Variants in GRID1 observed in about 807,000 individuals in gnomAD.
The protein encoded by GRID1 is glutamate receptor ionotropic, delta-1.
Under a neutral mutation model 98.0 loss-of-function variants are expected in GRID1, and 28 were observed. The observed-to-expected ratio is 0.29, with a 90% CI of 0.21 to 0.39. The LOEUF is 0.39. Ranked by LOEUF, GRID1 falls within the 10% of genes least tolerant of loss-of-function variation. GRID1 has a pLI of 1.00. For missense variants in GRID1, 1,111 were observed against 1,340.5 expected (o/e 0.83, Z 2.67); for synonymous variants, 553 against 538.5 (o/e 1.03, Z -0.37).
intron 12 of GRID1, among the ~76,000 whole-genome samples, chr10:85,659,158 T>A (rs1351368034): frequency 2.0e-5 from 3 of 152,230 alleles, no homozygotes. Context: ...GAAGCAGCTA[T>A]GAATCCATGT....
rs554410404 is a variant in GRID1, at chr10:85,769,134, C to T, written c.1234-39520G>A. 5.3e-5 allele frequency among the ~76,000 whole-genome samples: 8 copies of T among 152,144 alleles called. No homozygotes were observed. In the South Asian group the frequency reaches 1.7e-3, roughly 32 times the overall value. ...TCTTTCTGAACTAATATGAAAATAA[C>T]TGCAAGAAAAATGGTGAAGAGGCCA... On this transcript the variant is annotated intron_variant, in intron 8 of 15. Coordinates refer to ENST00000327946, the MANE Select transcript of GRID1 (RefSeq NM_017551.3).
intron 8 of GRID1, among the ~76,000 whole-genome samples, chr10:85,754,121 A>G (rs2132689709): frequency 6.6e-6 from 1 of 152,346 alleles, no homozygotes; most frequent in East Asian, 1.9e-4. Context: ...TGAAATCTTC[A>G]TACAAAGCCA....
intron 3 of GRID1, among the ~76,000 whole-genome samples, chr10:86,189,602 C>A (rs1845773311): frequency 6.6e-6 from 1 of 152,114 alleles, no homozygotes; most frequent in East Asian, 1.9e-4. Context: ...GACCATGAAC[C>A]TGCAATAGCT....
At chr10:86,183,047 T>G (rs182380014) in intron 3 of GRID1, among the ~76,000 whole-genome samples, 2 of 152,216 alleles carry the variant, frequency 1.3e-5, no homozygotes, top group Admixed American at 6.5e-5. Context: ...TTTTGACACA[T>G]GCATCACACA....
chr10:85,856,458 T>C (rs1178350506), intron 6 of GRID1, among the ~76,000 whole-genome samples: 4 of 152,254 alleles, frequency 2.6e-5, no homozygotes, highest in African/African-American at 7.2e-5. Context: ...CTGTAGCTGA[T>C]TGAGATGTGC....
chr10:85,828,125 A>G (rs1842835848), intron 8 of GRID1, among the ~76,000 whole-genome samples: 1 of 152,204 alleles, frequency 6.6e-6, no homozygotes, highest in Non-Finnish European at 1.5e-5. Context: ...AATCAATACT[A>G]AGAAAATCAT....
At chr10:85,831,905 G>A (rs1301062147) in intron 8 of GRID1, among the ~76,000 whole-genome samples, 1 of 151,038 alleles carries the variant, frequency 6.6e-6, no homozygotes, top group Non-Finnish European at 1.5e-5. Flanking sequence ...CCAGAAAAAA[G>A]AACAAATCAT....
chr10:86,109,195 G>A lies in GRID1; in HGVS notation c.726+29624C>T, dbSNP rs1343678531. 9.9e-5 allele frequency among the ~76,000 whole-genome samples: 15 copies of A among 152,268 alleles called. No homozygotes were observed. In the East Asian group the frequency reaches 2.9e-3, roughly 29 times the overall value. On this transcript the variant is annotated intron_variant, in intron 4 of 15. Transcript: ENST00000327946. ...TCAAGGTAGTTTCCCTCCTCTGTAA[G>A]CCAAAACAACCATTCCCTTAACTCC...
chr10:86,246,672 C>A (rs77212776), intron 2 of GRID1, among the ~76,000 whole-genome samples: 2 of 152,160 alleles, frequency 1.3e-5, no homozygotes, highest in Non-Finnish European at 2.9e-5. Context: ...CCCACCCCCA[C>A]GTACCTTGCA....
intron 2 of GRID1, among the ~76,000 whole-genome samples, chr10:86,322,324 G>A (rs987651509): frequency 3.3e-5 from 5 of 152,170 alleles, no homozygotes; most frequent in African/African-American, 1.2e-4. Flanking sequence ...TGGGAAATTA[G>A]AAAAGAAAAT....
chr10:86,009,737 A>G (rs1403726556), intron 4 of GRID1, among the ~76,000 whole-genome samples: 1 of 152,262 alleles, frequency 6.6e-6, no homozygotes, highest in Non-Finnish European at 1.5e-5. Context: ...AATCAGGGAC[A>G]TGAACATGTT....
At chr10:85,717,516 C>T (rs536816635) in intron 12 of GRID1, among the ~76,000 whole-genome samples, 17 of 152,182 alleles carry the variant, frequency 1.1e-4, no homozygotes, top group African/African-American at 3.4e-4. Context: ...TGGGAAAGGC[C>T]GGCCCCCATG....
chr10:85,667,273 G>T (rs1283310205), intron 12 of GRID1, among the ~76,000 whole-genome samples: 1 of 151,756 alleles, frequency 6.6e-6, no homozygotes, highest in African/African-American at 2.4e-5. Context: ...GGTAGAGGCA[G>T]GCATTCTGAT....
intron 8 of GRID1, among the ~76,000 whole-genome samples, chr10:85,799,614 C>G (rs1173862432): frequency 6.6e-6 from 1 of 151,884 alleles, no homozygotes; most frequent in Non-Finnish European, 1.5e-5. Flanking sequence ...CCAAATAAGC[C>G]AAGCACAGGA....
At chr10:86,072,684 C>T (rs940707376) in intron 4 of GRID1, among the ~76,000 whole-genome samples, 4 of 152,186 alleles carry the variant, frequency 2.6e-5, no homozygotes, top group Admixed American at 6.5e-5. Flanking sequence ...TCCTTTTTAA[C>T]GTCAGCTTTT....
At chr10:85,750,422 T>A (rs1003393960) in intron 8 of GRID1, among the ~76,000 whole-genome samples, 1 of 152,142 alleles carries the variant, frequency 6.6e-6, no homozygotes, top group African/African-American at 2.4e-5. Context: ...CAGAACAACT[T>A]GCAATGTAAA....
intron 3 of GRID1, among the ~76,000 whole-genome samples, chr10:86,186,193 G>A (rs1845723287): frequency 6.6e-6 from 1 of 152,182 alleles, no homozygotes; most frequent in Non-Finnish European, 1.5e-5. Context: ...GTTGTCAAAT[G>A]TGTTGGCATA....
chr10:85,924,027 C>T (rs142551794), intron 4 of GRID1, among the ~76,000 whole-genome samples: 90 of 152,270 alleles, frequency 5.9e-4, no homozygotes, highest in Non-Finnish European at 1.1e-3. Context: ...CTCCTGGAGG[C>T]CAAAGCCTGG....
chr10:86,355,986 G>A (rs1342332319), intron 2 of GRID1, among the ~76,000 whole-genome samples: 1 of 152,266 alleles, frequency 6.6e-6, no homozygotes, highest in Non-Finnish European at 1.5e-5. Flanking sequence ...GGGGACAGGG[G>A]GAGGTCATGG....
Sources: gnomAD v4.1 joint callset for allele counts (sites outside exome capture counted in the v4.1 genomes callset) on GRCh38, gnomAD v4.1.1 for gene constraint, MANE v1.5 for transcripts, NCBI Gene and HGNC (gene_info 2026-07-23, HGNC 2026-07-21) for gene names.